AHNAK: variants seen among roughly 807,000 people sequenced by gnomAD.
AHNAK encodes the protein AHNAK nucleoprotein, also known as neuroblast differentiation-associated protein AHNAK.
A neutral mutation model predicts 37.8 loss-of-function variants in AHNAK; 23 were observed. The observed-to-expected ratio is 0.61, with a 90% CI of 0.44 to 0.86. AHNAK has a LOEUF of 0.86. AHNAK is among the 40% of genes least tolerant of loss of function. The probability of loss-of-function intolerance (pLI) is 0.00; values close to 1 mark genes in which losing one functional copy is unlikely to be tolerated. For missense variants in AHNAK, 7,411 were observed against 7,319.4 expected, an observed-to-expected ratio of 1.01 and a Z score of -0.46; for synonymous variants, 2,481 against 2,636.3, an observed-to-expected ratio of 0.94 and a Z score of 1.80.
intron 5 of AHNAK, among the ~76,000 whole-genome samples, chr11:62,464,871 C>T (rs879835425): frequency 6.6e-6 from 1 of 151,970 alleles, no homozygotes; most frequent in Admixed American, 6.6e-5. Flanking sequence ...GATCTGGCAG[C>T]GTCAGGTTGC....
At chr11:62,509,424 C>T (rs1187063881) in intron 4 of AHNAK, among the ~76,000 whole-genome samples, 1 of 151,944 alleles carries the variant, frequency 6.6e-6, no homozygotes, top group Non-Finnish European at 1.5e-5. Flanking sequence ...GTGGCAGGTG[C>T]CTGTAATCCC....
Position 62,528,898 on chromosome 11 carries a change from C to G in AHNAK, c.5519G>C (p.Gly1840Ala), listed in dbSNP as rs1940615710. The change falls in exon 5 of 5, where the codon GGG becomes GCG. Residue 1840 changes from glycine (G) to alanine (A), a missense_variant. Gly to Ala is a moderately conservative substitution (Grantham distance 60, BLOSUM62 0). Coordinates refer to ENST00000378024, the MANE Select transcript of AHNAK (RefSeq NM_001620.3). ...DLECPDAKLKGPKFKMPEMHF... is the reference protein window; with the variant it reads ...DLECPDAKLKAPKFKMPEMHF... ...CATCTCAGGCATCTTAAACTTGGGC[C>G]CTTTCAACTTTGCATCAGGACACTC... 1 of 1,614,056 alleles carries G rather than the reference C, an allele frequency of 6.2e-7. No homozygotes were observed. The highest frequency in any genetic ancestry group is 8.5e-7 in the Non-Finnish European group (1 of 1,180,014).
rs1332751836 is a variant in AHNAK at position 62,523,993 on chromosome 11, G to A, written c.10424C>T (p.Pro3475Leu). ...ACTGAATTTGGGCATTTTCATCTTG[G>A]GCATTTTCAGATTCCAGTCTGGACC... ...VHGPDWNLKM[P>L]KMKMPKFSVS... The change falls in exon 5 of 5, where the codon CCC (proline) becomes CTC (leucine). Residue 3475 changes from proline to leucine, a missense_variant. By Grantham distance (98) the Pro-to-Leu change is moderately conservative. Transcript: ENST00000378024. The A allele has an allele frequency of 6.2e-7, 1 of 1,613,802 alleles. No individual in the cohort carries two copies. The highest frequency in any genetic ancestry group is 2.2e-5 in the East Asian group (1 of 44,890).
chr11:62,535,077 C>T lies in AHNAK; in HGVS notation c.268G>A (p.Gly90Arg). 1.2e-5 allele frequency: 19 copies of T among 1,614,044 alleles called. No individual in the cohort carries two copies. Among genetic ancestry groups the T allele is most frequent in the Non-Finnish European group, 1.6e-5 (19 of 1,179,984 alleles). Residue 90 changes from glycine to arginine, a missense_variant, in exon 4 of 5, where the codon GGG becomes AGG. By Grantham distance (125) the Gly-to-Arg change is moderately radical. Transcript: ENST00000378024. ...HTVGLKLHRK[G>R]DRSPEPGQTW... The stretch of plus-strand genomic sequence containing the variant: ...TGGCCAGGCTCGGGAGAGCGGTCCC[C>T]CTTGCGGTGCAGCTTCAGGCCCACC...
At chr11:62,546,514 G>T (rs1382505051) in intron 1 of AHNAK, 146 bp downstream of exon 1, 1 of 152,330 alleles carries the variant, frequency 6.6e-6, no homozygotes, top group Non-Finnish European at 1.5e-5. Flanking sequence ...GCCGCCCCGG[G>T]TGGCCCCGCT....
chr11:62,510,345 C>G (rs980658622), intron 4 of AHNAK, among the ~76,000 whole-genome samples: 5 of 152,006 alleles, frequency 3.3e-5, no homozygotes, highest in African/African-American at 1.2e-4. Context: ...CGCCCGCCCT[C>G]TATTGGAGTT....
intron 5 of AHNAK, among the ~76,000 whole-genome samples, chr11:62,442,040 C>T (rs912529822): frequency 7.9e-5 from 12 of 152,176 alleles, no homozygotes; most frequent in African/African-American, 2.4e-4. Flanking sequence ...CCATCAGACA[C>T]ACATGGAGCT....
Position 62,525,807 on chromosome 11 carries a change from G to A in AHNAK, c.8610C>T (p.Asp2870=), listed in dbSNP as rs1462761131. ...VEGDLKGPEV[D]LKGPKVDIDV... ...CAATGTCCACTTTGGGGCCTTTGAG[G>A]TCAACTTCAGGACCTTTCAGATCTC... Residue 2870 remains aspartate (D), a synonymous_variant, in exon 5 of 5, where the codon GAC becomes GAT. Transcript: ENST00000378024. 2 of 1,613,876 alleles carry A rather than the reference G, an allele frequency of 1.2e-6. No individual in the cohort carries two copies. The highest frequency in any genetic ancestry group is 1.7e-5 in the Admixed American group (1 of 59,980).
At chr11:62,542,086 T>A (rs553738073) in intron 1 of AHNAK, 1 of 152,306 alleles carries the variant, frequency 6.6e-6, no homozygotes, top group Non-Finnish European at 1.5e-5. Flanking sequence ...TAGATGAACA[T>A]GTTGCAAAAC....
At position 62,522,209 on chromosome 11, in the gene AHNAK, T is replaced by C; in HGVS notation, c.12208A>G (p.Met4070Val). 6.2e-7 allele frequency: 1 copy of C among 1,613,434 alleles called. No homozygotes were observed. The highest frequency in any genetic ancestry group is 1.1e-5 in the South Asian group (1 of 91,042). The change falls in exon 5 of 5, where the codon ATG (methionine) becomes GTG (valine). Residue 4070 changes from methionine to valine, a missense_variant. Met to Val is a conservative substitution (Grantham distance 21, BLOSUM62 1). Transcript: ENST00000378024. ...MPKVKMPKFS[M>V]PGFKGEGPEV... ...GGGCCCTCTCCTTTAAATCCTGGCA[T>C]GCTGAATTTGGGCATTTTCACCTTG...
intron 5 of AHNAK, among the ~76,000 whole-genome samples, chr11:62,474,945 G>A (rs1590612017): frequency 6.6e-6 from 1 of 152,156 alleles, no homozygotes; most frequent in Non-Finnish European, 1.5e-5. Flanking sequence ...GGACCCAGGA[G>A]AAGCCGCTGC....
intron 5 of AHNAK, among the ~76,000 whole-genome samples, chr11:62,436,118 C>T (rs1938165389): frequency 6.6e-6 from 1 of 152,164 alleles, no homozygotes; most frequent in Admixed American, 6.5e-5. Flanking sequence ...GAATTCACAA[C>T]ACAGAACAGT....
intron 1 of AHNAK, chr11:62,546,003 G>C (rs930709306): frequency 1.3e-5 from 2 of 152,430 alleles, no homozygotes; most frequent in African/African-American, 4.8e-5. Flanking sequence ...CCCGCTGGGA[G>C]GCGCATTGCA....
In AHNAK at chr11:62,533,560, C is replaced by G; in HGVS notation, c.857G>C (p.Gly286Ala). The G allele has an allele frequency of 1.2e-6, 2 of 1,614,144 alleles. No homozygotes were observed. The highest frequency in any genetic ancestry group is 1.7e-6 in the Non-Finnish European group (2 of 1,180,032). Residue 286 changes from glycine to alanine, a missense_variant, in exon 5 of 5, where the codon GGT becomes GCT. Physicochemically the swap from Gly to Ala is moderately conservative, Grantham distance 60 (BLOSUM62 0). Coordinates refer to ENST00000378024, the MANE Select transcript of AHNAK (RefSeq NM_001620.3). ...PAVDISSSLG[G>A]RAVEVQGPSL... The stretch of plus-strand genomic sequence containing the variant: ...TGGGCCCTGTACCTCTACTGCCCTA[C>G]CCCCAAGAGAAGATGAAATGTCCAC...
intron 5 of AHNAK, among the ~76,000 whole-genome samples, chr11:62,469,771 G>A (rs371079059): frequency 5.9e-5 from 9 of 152,016 alleles, no homozygotes; most frequent in East Asian, 1.9e-4. Context: ...TGGGGCCTAC[G>A]TGTAATTTTT....
chr11:62,476,702 C>T (rs897045921), intron 5 of AHNAK, among the ~76,000 whole-genome samples: 4 of 152,216 alleles, frequency 2.6e-5, no homozygotes, highest in African/African-American at 9.6e-5. Context: ...AACCATTTCT[C>T]GATCAGATTG....
In AHNAK at chr11:62,530,014, TCTC is replaced by T. The variant is rs751857815; in HGVS notation, c.4400_4402del (p.Gly1467del). On this transcript the variant is annotated inframe_deletion, in exon 5 of 5. Transcript: ENST00000378024. ...TACTTTTGGAACTGTTACATCATAA[TCTC>T]CTTTCATTTTAGGACCTTTCAAATG... The T allele has an allele frequency of 1.2e-6, 2 of 1,614,020 alleles. No individual in the cohort carries two copies. The highest frequency in any genetic ancestry group is 2.7e-5 in the African/African-American group (2 of 74,908).
At position 62,522,740 on chromosome 11, in the gene AHNAK, C is replaced by G; in HGVS notation, c.11677G>C (p.Val3893Leu). The G allele has an allele frequency of 6.2e-7, 1 of 1,613,606 alleles. No individual in the cohort carries two copies. The highest frequency in any genetic ancestry group is 8.5e-7 in the Non-Finnish European group (1 of 1,179,956). ...TCACCTTCCACTTTTGGCAGAGACACATCCATATCACCCTTCACTTTGGGT... is the reference window on the plus strand; with the variant it reads ...TCACCTTCCACTTTTGGCAGAGACAGATCCATATCACCCTTCACTTTGGGT... ...KGPKVKGDMD[V>L]SLPKVEGDMQ... Residue 3893 changes from valine to leucine, a missense_variant, in exon 5 of 5, where the codon GTG becomes CTG. By Grantham distance (32) the Val-to-Leu change is conservative. Transcript: ENST00000378024.
chr11:62,474,846 C>T (rs1233558631), intron 5 of AHNAK, among the ~76,000 whole-genome samples: 1 of 152,150 alleles, frequency 6.6e-6, no homozygotes, highest in African/African-American at 2.4e-5. Flanking sequence ...CCTTCTCCCA[C>T]CTTCAGGCCT....
Sources: allele counts gnomAD v4.1 joint callset (sites outside exome capture counted in the v4.1 genomes callset), GRCh38; gene constraint gnomAD v4.1.1; transcripts MANE v1.5; gene names NCBI Gene and HGNC (gene_info 2026-07-23, HGNC 2026-07-21).